ACAN: variants seen among roughly 807,000 people sequenced by gnomAD.
ACAN encodes the protein aggrecan core protein.
Under a neutral mutation model 169.1 loss-of-function variants are expected in ACAN, and 47 were observed. That is an observed-to-expected ratio of 0.28 (90% CI 0.22 to 0.35). The LOEUF (loss-of-function observed/expected upper bound fraction) is 0.35. Among genes scored for constraint, ACAN ranks in the 10% least tolerant of loss-of-function variants. The pLI, the probability that ACAN is intolerant of heterozygous loss-of-function variation, is 1.00. For missense variants in ACAN, 2,716 were observed against 2,759.9 expected (o/e 0.98, Z 0.36); for synonymous variants, 1,115 against 1,112.2 (o/e 1.00, Z -0.05).
At chr15:88,863,364 A>G (rs28417874) in intron 13 of ACAN, among the ~76,000 whole-genome samples, 4,823 of 152,284 alleles carry the variant, frequency 0.032, 252 homozygotes, top group African/African-American at 0.11. Context: ...TGCAGCTTAG[A>G]ATCACCTGGA....
chr15:88,832,780 C>T (rs552685935), intron 1 of ACAN, among the ~76,000 whole-genome samples: 1 of 152,338 alleles, frequency 6.6e-6, no homozygotes, highest in South Asian at 2.1e-4. Context: ...AGCCTCTCTA[C>T]AACCACTAAA....
intron 1 of ACAN, among the ~76,000 whole-genome samples, chr15:88,818,096 T>C (rs1895987369): frequency 6.6e-6 from 1 of 152,196 alleles, no homozygotes; most frequent in South Asian, 2.1e-4. Flanking sequence ...CAGTTTTCCT[T>C]ACTTGACTAT....
In ACAN at chr15:88,843,230, G is replaced by T; in HGVS notation, c.758-125G>T. 1.2e-6 allele frequency: 1 copy of T among 828,254 alleles called. No homozygotes were observed. Among genetic ancestry groups the T allele is most frequent in the East Asian group, 2.9e-5 (1 of 35,028 alleles). 51.3% of individuals were successfully genotyped at this position (828,254 alleles called of 1,614,324 possible). ...GGCAAGATCTGAGATGCAGACATAT[G>T]GGACCAGGACTTTGGGAAGTTAAAG... On this transcript the variant is annotated intron_variant, in intron 5 of 18. Coordinates refer to ENST00000560601, the MANE Select transcript of ACAN (RefSeq NM_001369268.1). This position sits in a 1 kb window ranked among gnomAD's most constrained non-coding sequence, Gnocchi z 4.0.
At position 88,874,039 on chromosome 15, in the gene ACAN, G is replaced by A. The variant is rs761051734; in HGVS notation, c.7630+15G>A. On this transcript the variant is annotated intron_variant, in intron 18 of 18. Coordinates refer to ENST00000560601, the MANE Select transcript of ACAN (RefSeq NM_001369268.1). The surrounding 1 kb of genome is among the most constrained non-coding windows in gnomAD (Gnocchi z 7.3). The stretch of plus-strand genomic sequence containing the variant: ...CTGCACAGACCGTGAGCATCACCCC[G>A]GCCATCTCGCTGAGCACAGGGTTAG... 1.6e-5 allele frequency: 26 copies of A among 1,607,052 alleles called. No homozygotes were observed. Among genetic ancestry groups the A allele is most frequent in the Middle Eastern group, 2.1e-4 (1 of 4,712 alleles).
At position 88,843,771 on chromosome 15, in the gene ACAN, C is replaced by T; in HGVS notation, c.1051+123C>T. On this transcript the variant is annotated intron_variant, in intron 6 of 18. Coordinates refer to ENST00000560601, the MANE Select transcript of ACAN (RefSeq NM_001369268.1). This position sits in a 1 kb window ranked among gnomAD's most constrained non-coding sequence, Gnocchi z 4.0. ...TTGAAGGGGCCACGGGGTACCTGAACCCCATGTTTTTAGGACACCCCTCCA... is the reference window on the plus strand; with the variant it reads ...TTGAAGGGGCCACGGGGTACCTGAATCCCATGTTTTTAGGACACCCCTCCA... The T allele has an allele frequency of 1.6e-6, 2 of 1,266,514 alleles. No individual in the cohort carries two copies. The highest frequency in any genetic ancestry group is 1.5e-5 in the African/African-American group (1 of 66,962). 78.5% of individuals were successfully genotyped at this position (1,266,514 alleles called of 1,614,324 possible).
Position 88,858,830 on chromosome 15 carries a change from C to T in ACAN, c.6245C>T (p.Ala2082Val). Residue 2082 changes from alanine to valine, a missense_variant, in exon 12 of 19, where the codon GCT becomes GTT. Transcript: ENST00000560601. The surrounding 1 kb of genome is among the most constrained non-coding windows in gnomAD (Gnocchi z 4.0). Reference protein sequence around the residue: ...KVSTAGDISGATPVLPGSGVE... With the variant: ...KVSTAGDISGVTPVLPGSGVE... ...TCCACAGCTGGGGACATTAGTGGAG[C>T]TACCCCAGTGCTCCCTGGGTCTGGA... The T allele has an allele frequency of 6.2e-7, 1 of 1,613,758 alleles. No individual in the cohort carries two copies. The highest frequency in any genetic ancestry group is 8.5e-7 in the Non-Finnish European group (1 of 1,179,806).
At position 88,861,251 on chromosome 15, in the gene ACAN, G is replaced by T. The variant is rs1897187956; in HGVS notation, c.6946+812G>T. ...CATTAGTTCTCCCACTAACCCCAGT[G>T]CCCTTATCCCCAGCCTCCCTCCTAG... On this transcript the variant is annotated intron_variant, in intron 13 of 18. Coordinates refer to ENST00000560601, the MANE Select transcript of ACAN (RefSeq NM_001369268.1). The surrounding 1 kb of genome is among the most constrained non-coding windows in gnomAD (Gnocchi z 6.3). Among the ~76,000 whole-genome samples, 2 of 152,038 alleles carry T rather than the reference G, an allele frequency of 1.3e-5. No homozygotes were observed. Among genetic ancestry groups the T allele is most frequent in the Admixed American group, 1.3e-4 (2 of 15,270 alleles).
At chr15:88,847,518 T>A in intron 8 of ACAN, 101 bp downstream of exon 8, 1 of 1,339,960 alleles carries the variant, frequency 7.5e-7, no homozygotes, top group Non-Finnish European at 9.9e-7. Context: ...ACCCAATACC[T>A]TGTGGGTTAA....
In ACAN at chr15:88,849,087, G is replaced by A. The variant is rs58084632; in HGVS notation, c.1733-351G>A. On this transcript the variant is annotated intron_variant, in intron 9 of 18. Coordinates refer to ENST00000560601, the MANE Select transcript of ACAN (RefSeq NM_001369268.1). This position sits in a 1 kb window ranked among gnomAD's most constrained non-coding sequence, Gnocchi z 5.1. ...GGAGGGGGCCCAGGCGAGCTGCCTC[G>A]CTTAGCCAAGGGAGGGGGTGCCTAA... Among the ~76,000 whole-genome samples, 4,153 of 152,304 alleles carry A rather than the reference G, an allele frequency of 0.027. 197 individuals are homozygous for A. Among genetic ancestry groups the A allele is most frequent in the African/African-American group, 0.095 (3,952 of 41,548 alleles).
At chr15:88,808,251 C>G (rs1452134956) in intron 1 of ACAN, among the ~76,000 whole-genome samples, 1 of 152,178 alleles carries the variant, frequency 6.6e-6, no homozygotes, top group Non-Finnish European at 1.5e-5. Flanking sequence ...GACCTAGGCC[C>G]AAAGAGGGGA....
chr15:88,808,233 G>A (rs1391282217), intron 1 of ACAN, among the ~76,000 whole-genome samples: 9 of 152,164 alleles, frequency 5.9e-5, no homozygotes, highest in Admixed American at 2.0e-4. Context: ...TTAAGAGATC[G>A]CAAAAGGGAC....
In ACAN at chr15:88,869,458, C is replaced by A. The variant is rs1385719952; in HGVS notation, c.7060+1129C>A. On this transcript the variant is annotated intron_variant, in intron 14 of 18. Transcript: ENST00000560601. The surrounding 1 kb of genome is among the most constrained non-coding windows in gnomAD (Gnocchi z 4.2). Reference sequence around the variant, plus strand: ...AAAAAAAGGCCTGGACACTCCTACTCCCTTGCAGCCTCCCACCCTCCATCC... The same window carrying A: ...AAAAAAAGGCCTGGACACTCCTACTACCTTGCAGCCTCCCACCCTCCATCC... 6.6e-6 allele frequency among the ~76,000 whole-genome samples: 1 copy of A among 152,196 alleles called. No individual in the cohort carries two copies. Among genetic ancestry groups the A allele is most frequent in the Non-Finnish European group, 1.5e-5 (1 of 68,036 alleles).
In ACAN at chr15:88,870,425, A is replaced by T. The variant is rs112883202; in HGVS notation, c.7061-957A>T. 6.6e-6 allele frequency among the ~76,000 whole-genome samples: 1 copy of T among 152,202 alleles called. No homozygotes were observed. Among genetic ancestry groups the T allele is most frequent in the Admixed American group, 6.5e-5 (1 of 15,276 alleles). On this transcript the variant is annotated intron_variant, in intron 14 of 18. Coordinates refer to ENST00000560601, the MANE Select transcript of ACAN (RefSeq NM_001369268.1). This position sits in a 1 kb window ranked among gnomAD's most constrained non-coding sequence, Gnocchi z 6.3. ...CCCACACTGTGCTGGCAGATGTTTAACAACCAGCTCTCATAGAGGAGAAAG... is the reference window on the plus strand; with the variant it reads ...CCCACACTGTGCTGGCAGATGTTTATCAACCAGCTCTCATAGAGGAGAAAG...
rs189791433 is a variant in ACAN at position 88,806,734 on chromosome 15, C to T, written c.-8+2925C>T. The stretch of plus-strand genomic sequence containing the variant: ...GGCCCTTAGGAGGACCTCAGCTGAG[C>T]CAAAGGAAGCCCATGAGACCCTGCC... On this transcript the variant is annotated intron_variant, in intron 1 of 18. Transcript: ENST00000560601. Among the ~76,000 whole-genome samples the T allele has an allele frequency of 3.9e-3, 593 of 152,240 alleles. 5 individuals are homozygous for T. Among genetic ancestry groups the T allele is most frequent in the Non-Finnish European group, 6.4e-3 (438 of 68,016 alleles).
In ACAN at chr15:88,868,838, G is replaced by T. The variant is rs1897322665; in HGVS notation, c.7060+509G>T. 6.6e-6 allele frequency among the ~76,000 whole-genome samples: 1 copy of T among 152,198 alleles called. No individual in the cohort carries two copies. Among genetic ancestry groups the T allele is most frequent in the Non-Finnish European group, 1.5e-5 (1 of 68,044 alleles). ...GGTTGGTCTGCCTGAGATCTCCCGT[G>T]TCATCAGCATGCTCAAGTCATGCAT... On this transcript the variant is annotated intron_variant, in intron 14 of 18. Transcript: ENST00000560601. This position sits in a 1 kb window ranked among gnomAD's most constrained non-coding sequence, Gnocchi z 5.2.
intron 13 of ACAN, among the ~76,000 whole-genome samples, chr15:88,862,878 A>G (rs7167660): frequency 0.04 from 6,051 of 151,882 alleles, 287 homozygotes; most frequent in East Asian, 0.13. Context: ...CACCCCTGTA[A>G]TCCTAGCTAC....
Position 88,871,455 on chromosome 15 carries a change from C to G in ACAN, c.7134C>G (p.Thr2378=), listed in dbSNP as rs1176071411. The change falls in exon 15 of 19, where the codon ACC becomes ACG. Residue 2378 remains threonine, a synonymous_variant. Coordinates refer to ENST00000560601, the MANE Select transcript of ACAN (RefSeq NM_001369268.1). The surrounding 1 kb of genome is among the most constrained non-coding windows in gnomAD (Gnocchi z 7.8). ...HCYRHFPDRE[T]WVDAERRCRE... ...ACCGCCACTTCCCGGACCGCGAGAC[C>G]TGGGTGGATGCTGAGCGCCGGTGTC... 6.2e-7 allele frequency: 1 copy of G among 1,613,972 alleles called. No individual in the cohort carries two copies. Among genetic ancestry groups the G allele is most frequent in the Non-Finnish European group, 8.5e-7 (1 of 1,179,892 alleles).
rs527348013 is a variant in ACAN, at chr15:88,861,239, A to T, written c.6946+800A>T. ...CTCATGTTCTTTCATTAGTTCTCCC[A>T]CTAACCCCAGTGCCCTTATCCCCAG... On this transcript the variant is annotated intron_variant, in intron 13 of 18. Transcript: ENST00000560601. This position sits in a 1 kb window ranked among gnomAD's most constrained non-coding sequence, Gnocchi z 6.3. Among the ~76,000 whole-genome samples, 221 of 152,156 alleles carry T rather than the reference A, an allele frequency of 1.5e-3. 3 individuals carry two copies. The South Asian group carries it at 0.044, about 30-fold the overall frequency.
intron 1 of ACAN, among the ~76,000 whole-genome samples, chr15:88,831,816 G>A (rs1225161064): frequency 6.6e-6 from 1 of 152,298 alleles, no homozygotes; most frequent in South Asian, 2.1e-4. Flanking sequence ...TGGCTCCAGG[G>A]GGTAAAGAGA....
Sources: gnomAD v4.1 joint callset for allele counts (sites outside exome capture counted in the v4.1 genomes callset) on GRCh38, gnomAD v4.1.1 for gene constraint, Gnocchi (gnomAD v3.1) non-coding constraint, MANE v1.5 for transcripts, NCBI Gene and HGNC (gene_info 2026-07-23, HGNC 2026-07-21) for gene names.